Variants in HECW1 observed in about 807,000 individuals in gnomAD.
The protein encoded by HECW1 is E3 ubiquitin-protein ligase HECW1.
A neutral mutation model predicts 182.3 loss-of-function variants in HECW1; 61 were observed. The observed-to-expected ratio is 0.33, with a 90% confidence interval of 0.27 to 0.41. HECW1 has a LOEUF of 0.41. Among genes scored for constraint, HECW1 ranks in the 10% least tolerant of loss-of-function variants. The probability of loss-of-function intolerance (pLI) is 1.00; values close to 1 mark genes in which losing one functional copy is unlikely to be tolerated. For synonymous variants in HECW1, 859 were observed against 832.6 expected, an observed-to-expected ratio of 1.03 and a Z score of -0.55; for missense variants, 1,739 against 2,108.9, an observed-to-expected ratio of 0.82 and a Z score of 3.44.
intron 21 of HECW1, among the ~76,000 whole-genome samples, chr7:43,504,621 G>A (rs1446103989): frequency 6.6e-6 from 1 of 152,222 alleles, no homozygotes; most frequent in Admixed American, 6.5e-5. Context: ...TCACAAGGCA[G>A]ATTATTAATT....
In HECW1 at chr7:43,114,293, G is replaced by T. The variant is rs1453532601; in HGVS notation, c.-130G>T. The T allele has an allele frequency of 1.5e-6, 2 of 1,363,742 alleles. No homozygotes were observed. Among genetic ancestry groups the T allele is most frequent in the Non-Finnish European group, 1.9e-6 (2 of 1,034,460 alleles). 84.5% of individuals were successfully genotyped at this position (1,363,742 alleles called of 1,614,324 possible). A position where few individuals can be genotyped will look rare whatever the true frequency, so the allele number is the denominator to read the frequency against. On this transcript the variant is annotated 5_prime_UTR_variant, in exon 2 of 30. Transcript: ENST00000395891. The stretch of plus-strand genomic sequence containing the variant: ...GATGCCCTACCCGAAAAGGCCAACC[G>T]TTAAAGACCCCGGCAGTGTTGTGGT...
At chr7:43,371,205 G>T (rs1011704603) in intron 6 of HECW1, among the ~76,000 whole-genome samples, 1 of 152,018 alleles carries the variant, frequency 6.6e-6, no homozygotes. Context: ...TCTTTAATAT[G>T]ATACTATGAT....
chr7:43,528,710 C>G lies in HECW1; in HGVS notation c.4020-12453C>G, dbSNP rs1157123753. Among the ~76,000 whole-genome samples the G allele has an allele frequency of 2.0e-5, 3 of 152,182 alleles. No homozygotes were observed. The East Asian group carries it at 5.8e-4, about 29-fold the overall frequency. ...GCTCTGGTCTCACTCCTCTGCCCCC[C>G]TGCAGGGCAGATATTAATGGAGGGG... On this transcript the variant is annotated intron_variant, in intron 24 of 29. Transcript: ENST00000395891.
At chr7:43,372,013 G>C (rs989144636) in intron 6 of HECW1, among the ~76,000 whole-genome samples, 17 of 152,002 alleles carry the variant, frequency 1.1e-4, no homozygotes, top group Admixed American at 9.2e-4. Context: ...GTAGAGATGG[G>C]ATTTCACCAT....
chr7:43,417,537 G>A (rs1444196652), intron 8 of HECW1, among the ~76,000 whole-genome samples: 1 of 151,006 alleles, frequency 6.6e-6, no homozygotes, highest in East Asian at 1.9e-4. Flanking sequence ...AGAATTCTGG[G>A]TTAACTGGTA....
chr7:43,374,799 AAT>A (rs1244899275), intron 6 of HECW1, among the ~76,000 whole-genome samples: 22 of 53,994 alleles, frequency 4.1e-4, no homozygotes, highest in South Asian at 1.4e-3. Context: ...AAAAAAAAAA[AAT>A]AGAGAAATAT....
intron 13 of HECW1, among the ~76,000 whole-genome samples, chr7:43,458,101 G>A (rs2077464066): frequency 6.6e-6 from 1 of 152,160 alleles, no homozygotes; most frequent in Non-Finnish European, 1.5e-5. Flanking sequence ...GTCCTTTCAT[G>A]GTGATTGCAA....
chr7:43,409,879 CCTT>C (rs2075741154), intron 8 of HECW1, among the ~76,000 whole-genome samples: 1 of 152,204 alleles, frequency 6.6e-6, no homozygotes, highest in African/African-American at 2.4e-5. Context: ...GCATTCAAAG[CCTT>C]CTTTGATCAG....
chr7:43,323,749 C>T (rs1322967065), intron 5 of HECW1, among the ~76,000 whole-genome samples: 3 of 152,084 alleles, frequency 2.0e-5, no homozygotes, highest in Non-Finnish European at 2.9e-5. Context: ...ATGGCTTGAC[C>T]GTGCGCGGTG....
intron 2 of HECW1, among the ~76,000 whole-genome samples, chr7:43,219,611 T>C (rs755466445): frequency 1.3e-5 from 2 of 152,062 alleles, no homozygotes; most frequent in African/African-American, 2.4e-5. Flanking sequence ...GGTATGTGAC[T>C]GGGGGCTGCA....
chr7:43,138,870 ATTTCT>A (rs1787856976), intron 2 of HECW1, among the ~76,000 whole-genome samples: 1 of 152,092 alleles, frequency 6.6e-6, no homozygotes, highest in Non-Finnish European at 1.5e-5. Context: ...AGAGAAACAG[ATTTCT>A]TTGCTTCTTT....
intron 2 of HECW1, among the ~76,000 whole-genome samples, chr7:43,232,888 C>G (rs1309857513): frequency 6.6e-6 from 1 of 152,196 alleles, no homozygotes; most frequent in African/African-American, 2.4e-5. Flanking sequence ...GCTCAGAAAT[C>G]ATTAACACCA....
Position 43,386,757 on chromosome 7 carries a change from G to A in HECW1, c.556-10057G>A, listed in dbSNP as rs148505442. On this transcript the variant is annotated intron_variant, in intron 6 of 29. Transcript: ENST00000395891. ...TCTCAAATCAGCTCAGATGAGGGAGGAATGTGTCCATCAGTTCCCTCATTT... is the reference window on the plus strand; with the variant it reads ...TCTCAAATCAGCTCAGATGAGGGAGAAATGTGTCCATCAGTTCCCTCATTT... 7.7e-4 allele frequency among the ~76,000 whole-genome samples: 117 copies of A among 152,300 alleles called. 1 individual carries two copies. The highest frequency in any genetic ancestry group is 3.4e-3 in the Middle Eastern group (1 of 294).
chr7:43,545,279 A>G (rs2081512869), intron 26 of HECW1, among the ~76,000 whole-genome samples: 1 of 152,244 alleles, frequency 6.6e-6, no homozygotes, highest in Non-Finnish European at 1.5e-5. Flanking sequence ...CCATGGCCAT[A>G]TACTGTCTAT....
At chr7:43,164,371 A>C (rs1790868514) in intron 2 of HECW1, among the ~76,000 whole-genome samples, 1 of 152,232 alleles carries the variant, frequency 6.6e-6, no homozygotes, top group African/African-American at 2.4e-5. Context: ...ACATATTGAA[A>C]CAGTGTTTTG....
chr7:43,311,998 A>C lies in HECW1; in HGVS notation c.263A>C (p.Tyr88Ser). Residue 88 changes from tyrosine (Y) to serine (S), a missense_variant, in exon 4 of 30, where the codon TAT becomes TCT. Physicochemically the swap from Tyr to Ser is moderately radical, Grantham distance 144. Transcript: ENST00000395891. ...RSTLMVSSSY[Y>S]SIGHSQDLVI... ...ACGCTCATGGTCAGCAGCTCCTACT[A>C]TTCCATCGGGCACTCTCAGGACCTG... 1 of 1,614,114 alleles carries C rather than the reference A, an allele frequency of 6.2e-7. No individual in the cohort carries two copies. Among genetic ancestry groups the C allele is most frequent in the Non-Finnish European group, 8.5e-7 (1 of 1,179,952 alleles).
chr7:43,285,448 A>G (rs1804514541), intron 3 of HECW1, among the ~76,000 whole-genome samples: 1 of 152,208 alleles, frequency 6.6e-6, no homozygotes, highest in African/African-American at 2.4e-5. Context: ...TCTGAAGTTC[A>G]TGAGTCATAT....
intron 3 of HECW1, among the ~76,000 whole-genome samples, chr7:43,308,716 G>T (rs1808112562): frequency 6.6e-6 from 1 of 151,882 alleles, no homozygotes; most frequent in South Asian, 2.1e-4. Context: ...CCGCCTCCTG[G>T]GTTCCAGCAA....
chr7:43,460,452 G>A (rs1463512971), intron 13 of HECW1, among the ~76,000 whole-genome samples: 1 of 152,120 alleles, frequency 6.6e-6, no homozygotes, highest in African/African-American at 2.4e-5. Flanking sequence ...TTAAAGGGGG[G>A]AGGTTGTGTA....
Sources: gnomAD v4.1 joint callset for allele counts (sites outside exome capture counted in the v4.1 genomes callset) on GRCh38, gnomAD v4.1.1 for gene constraint, MANE v1.5 for transcripts, NCBI Gene and HGNC (gene_info 2026-07-23, HGNC 2026-07-21) for gene names.